SDSL: variants seen among roughly 807,000 people sequenced by gnomAD.
SDSL encodes the protein serine dehydratase-like.
A neutral mutation model predicts 27.6 loss-of-function variants in SDSL; 26 were observed. That is an observed-to-expected ratio of 0.94 (90% CI 0.69 to 1.31). SDSL has a LOEUF of 1.31. SDSL is among the 50% of genes most tolerant of loss of function. The pLI is 0.00. For missense variants in SDSL, 431 were observed against 423.5 expected (o/e 1.02, Z -0.16); for synonymous variants, 196 against 180.6 (o/e 1.09, Z -0.69).
At chr12:113,434,531 A>G (rs1030955220) in intron 5 of SDSL, among the ~76,000 whole-genome samples, 2 of 151,848 alleles carry the variant, frequency 1.3e-5, no homozygotes, top group African/African-American at 4.8e-5. Flanking sequence ...TGTTCTATTT[A>G]CCCTCCCCAA....
intron 1 of SDSL, among the ~76,000 whole-genome samples, chr12:113,424,656 T>G (rs576026176): frequency 3.1e-4 from 47 of 152,036 alleles, no homozygotes; most frequent in African/African-American, 1.1e-3. Flanking sequence ...AAGGTATCAG[T>G]GAGATAACGT....
chr12:113,434,011 C>T, intron 4 of SDSL, 123 bp from the exon 5 acceptor site: 1 of 715,572 alleles, frequency 1.4e-6, no homozygotes, highest in Non-Finnish European at 2.3e-6. Flanking sequence ...GGTATGGTCT[C>T]ATCTGCAGGG....
chr12:113,436,076 G>A (rs996559216), intron 6 of SDSL, among the ~76,000 whole-genome samples: 3 of 152,104 alleles, frequency 2.0e-5, no homozygotes, highest in African/African-American at 4.8e-5. Flanking sequence ...TGCTATGATC[G>A]TCCCTGTGAA....
chr12:113,424,925 G>A (rs1271914080), intron 1 of SDSL, among the ~76,000 whole-genome samples: 5 of 151,924 alleles, frequency 3.3e-5, no homozygotes, highest in Non-Finnish European at 7.4e-5. Flanking sequence ...TAGTAGAGAC[G>A]GGGTTTCACC....
intron 7 of SDSL, chr12:113,437,200 T>C (rs960751373): frequency 5.4e-6 from 1 of 183,856 alleles, no homozygotes; most frequent in Non-Finnish European, 1.1e-5. Flanking sequence ...CACCCCACGC[T>C]GCCTGGGTTG....
Position 113,429,092 on chromosome 12 carries a change from G to A in SDSL, c.215-68G>A, listed in dbSNP as rs567230376. 1.4e-4 allele frequency: 211 copies of A among 1,551,440 alleles called. No individual in the cohort carries two copies. The African/African-American group carries it at 2.3e-3, about 17-fold the overall frequency. ...ACGAGTGACTCTGAAGGGATATGGA[G>A]GGGGAGGGGAAGGCATATCAAAGGC... is the stretch of plus-strand genomic sequence containing the variant. On this transcript the variant is annotated intron_variant, in intron 3 of 7. Coordinates refer to ENST00000403593, the MANE Select transcript of SDSL (RefSeq NM_001304993.2).
chr12:113,423,868 C>T (rs1434929800), intron 1 of SDSL, among the ~76,000 whole-genome samples: 1 of 152,196 alleles, frequency 6.6e-6, no homozygotes, highest in Non-Finnish European at 1.5e-5. Flanking sequence ...AGACCCAATT[C>T]CAAGTGGACA....
intron 4 of SDSL, among the ~76,000 whole-genome samples, chr12:113,430,493 G>A (rs1052698169): frequency 6.6e-6 from 1 of 152,182 alleles, no homozygotes; most frequent in Non-Finnish European, 1.5e-5. Flanking sequence ...TTTGGAATGT[G>A]GGGAAGGATT....
At chr12:113,428,333 G>C in intron 2 of SDSL, 87 bp from the exon 3 acceptor site, 2 of 1,406,166 alleles carry the variant, frequency 1.4e-6, no homozygotes. Flanking sequence ...TATTGGGAGT[G>C]GGATGGGGAG....
Position 113,428,403 on chromosome 12 carries a change from A to G in SDSL, c.175-17A>G, listed in dbSNP as rs1957877312. 6.2e-7 allele frequency: 1 copy of G among 1,610,276 alleles called. No homozygotes were observed. The highest frequency in any genetic ancestry group is 1.3e-5 in the African/African-American group (1 of 74,774). On this transcript the variant is annotated splice_polypyrimidine_tract_variant and intron_variant, in intron 2 of 7. Transcript: ENST00000403593. Reference sequence around the variant, plus strand: ...CCTGCTTGGGTTAGCCGCTAACCCCATTCCTTCTCTTCCCAGATGGCCAAG... The same window carrying G: ...CCTGCTTGGGTTAGCCGCTAACCCCGTTCCTTCTCTTCCCAGATGGCCAAG...
rs758889353 is a variant in SDSL at position 113,438,101 on chromosome 12, A to C, written c.*22A>C. On this transcript the variant is annotated 3_prime_UTR_variant, in exon 8 of 8. Coordinates refer to ENST00000403593, the MANE Select transcript of SDSL (RefSeq NM_001304993.2). ...CTGAGGGGTCCCATCCTGGCCCCAA[A>C]GACCCCTGAGAGGCCCATGGACAGT... 6.3e-7 allele frequency: 1 copy of C among 1,596,334 alleles called. No homozygotes were observed.
chr12:113,432,980 C>T (rs886618452), intron 4 of SDSL, among the ~76,000 whole-genome samples: 16 of 152,186 alleles, frequency 1.1e-4, no homozygotes, highest in African/African-American at 3.9e-4. Context: ...GATGAACACA[C>T]AAATGCAGAT....
At position 113,437,938 on chromosome 12, in the gene SDSL, C is replaced by CTGA. The variant is rs746737494; in HGVS notation, c.850_851insGAT (p.Ile283_Tyr284insTer). On this transcript the variant is annotated stop_gained and inframe_insertion, in exon 8 of 8. Transcript: ENST00000403593. LOFTEE classifies it low-confidence loss of function (END_TRUNC). ...CCTGTGGGGCAGCCTTAGCAGCCAT[C>CTGA]TACTCAGGCCTCCTGCGGAGGCTCC... The CTGA allele has an allele frequency of 5.5e-5, 88 of 1,613,732 alleles. No homozygotes were observed. The highest frequency in any genetic ancestry group is 1.0e-4 in the Admixed American group (6 of 59,932).
At chr12:113,428,917 A>G (rs147033681) in intron 3 of SDSL, among the ~76,000 whole-genome samples, 275 of 150,092 alleles carry the variant, frequency 1.8e-3, no homozygotes, top group African/African-American at 6.0e-3. Context: ...CAATCCTGGA[A>G]TTGTTTTTTT....
chr12:113,429,374 T>C, intron 4 of SDSL, 75 bp downstream of exon 4: 1 of 1,478,952 alleles, frequency 6.8e-7, no homozygotes, highest in Non-Finnish European at 9.3e-7. Flanking sequence ...TAAGACATCC[T>C]GTCTCCTTTT....
chr12:113,431,421 A>C (rs1408293097), intron 4 of SDSL, among the ~76,000 whole-genome samples: 7 of 152,172 alleles, frequency 4.6e-5, no homozygotes, highest in African/African-American at 1.7e-4. Flanking sequence ...GATGTCAAGC[A>C]CTACACGGTT....
chr12:113,430,141 CCCAT>C lies in SDSL; in HGVS notation c.354+856_354+859del, dbSNP rs771017645. 1.4e-4 allele frequency among the ~76,000 whole-genome samples: 18 copies of C among 126,018 alleles called. 1 individual carries two copies. In the South Asian group the frequency reaches 4.0e-3, roughly 28 times the overall value. 82.7% of individuals were successfully genotyped at this position (126,018 alleles called of 152,430 possible). Reference sequence around the variant, plus strand: ...TTCCATCCATCCATCCATCCATCCACCCATCCATCCATCCATCAGATATTGATTG... The same window carrying C: ...TTCCATCCATCCATCCATCCATCCACCCATCCATCCATCAGATATTGATTG... On this transcript the variant is annotated intron_variant, in intron 4 of 7. Transcript: ENST00000403593.
chr12:113,438,201 C>T lies in SDSL; in HGVS notation c.*122C>T. 1.2e-6 allele frequency: 1 copy of T among 846,202 alleles called. No homozygotes were observed. The highest frequency in any genetic ancestry group is 1.8e-5 in the South Asian group (1 of 56,616). 52.4% of individuals were successfully genotyped at this position (846,202 alleles called of 1,614,324 possible). The stretch of plus-strand genomic sequence containing the variant: ...TGCCCTGTGCAACTGTGCTGGCTGC[C>T]TCCTGAAGGAAGCCCTCCTGGACTG... On this transcript the variant is annotated 3_prime_UTR_variant, in exon 8 of 8. Coordinates refer to ENST00000403593, the MANE Select transcript of SDSL (RefSeq NM_001304993.2).
chr12:113,425,771 TC>T lies in SDSL; in HGVS notation c.-21-2190del, dbSNP rs1255110694. On this transcript the variant is annotated intron_variant, in intron 1 of 7. Transcript: ENST00000403593. ...ACTTCGGGAGGCCGAGGTGGGCAGATCACTTGAGCTCAGGAGTTTGAGACCA... is the reference window on the plus strand; with the variant it reads ...ACTTCGGGAGGCCGAGGTGGGCAGATACTTGAGCTCAGGAGTTTGAGACCA... The T allele has an allele frequency of 2.4e-5, 11 of 452,450 alleles. No homozygotes were observed. In the East Asian group the frequency reaches 7.7e-4, roughly 31 times the overall value. The allele number at this position is 452,450 out of a possible 1,614,324, so 28.0% of individuals were successfully genotyped here.
Sources: gnomAD v4.1 joint callset for allele counts (sites outside exome capture counted in the v4.1 genomes callset) on GRCh38, gnomAD v4.1.1 for gene constraint, MANE v1.5 for transcripts, NCBI Gene and HGNC (gene_info 2026-07-23, HGNC 2026-07-21) for gene names.